The following ABCB4 variants were observed in gnomAD, a reference collection of about 807,000 sequenced individuals.
The protein encoded by ABCB4 is phosphatidylcholine translocator ABCB4.
A neutral mutation model predicts 145.7 loss-of-function variants in ABCB4; 76 were observed. That is an observed-to-expected ratio of 0.52 (90% CI 0.43 to 0.63). The LOEUF is 0.63. ABCB4 is among the 30% of genes least tolerant of loss of function. The pLI is 0.00. For missense variants in ABCB4, 1,234 were observed against 1,553.1 expected (o/e 0.79, Z 3.45); for synonymous variants, 517 against 566.8 (o/e 0.91, Z 1.25).
intron 3 of ABCB4, among the ~76,000 whole-genome samples, chr7:87,463,879 T>C (rs558431691): frequency 6.6e-6 from 1 of 152,352 alleles, no homozygotes; most frequent in South Asian, 2.1e-4. Context: ...TTATTAGTCC[T>C]CTTCCATTTC....
At chr7:87,420,810 A>T (rs765117108) in intron 18 of ABCB4, among the ~76,000 whole-genome samples, 1 of 152,166 alleles carries the variant, frequency 6.6e-6, no homozygotes, top group South Asian at 2.1e-4. Context: ...AACCATTCTA[A>T]ATAGGTTTAT....
At chr7:87,393,428 CAATATT>C in the ABCB4 span, among the ~76,000 whole-genome samples, 2 of 152,028 alleles carry the variant, frequency 1.3e-5, no homozygotes, top group African/African-American at 4.8e-5. Flanking sequence ...TAGTCATAGA[CAATATT>C]AATGAGATAG....
intron 3 of ABCB4, 40 bp downstream of exon 3, chr7:87,472,581 A>C: frequency 1.3e-6 from 2 of 1,514,012 alleles, no homozygotes; most frequent in Non-Finnish European, 1.8e-6. Flanking sequence ...AAATTTGAAT[A>C]AAAGGTAGGA....
rs757088677 is a variant in ABCB4 at position 87,440,279 on chromosome 7, G to A, written c.1480C>T (p.Arg494Cys). Residue 494 changes from arginine to cysteine, a missense_variant, in exon 13 of 28, where the codon CGT becomes TGT. Around this residue, in one of 7 missense-constraint regions of ABCB4, gnomAD observed 467 missense variants for 632.8 expected, o/e 0.74. Coordinates refer to ENST00000649586, the MANE Select transcript of ABCB4 (RefSeq NM_000443.4). ...TTIAENICYGRGNVTMDEIKK... is the reference protein window; with the variant it reads ...TTIAENICYGCGNVTMDEIKK... ...ATCTCATCCATGGTTACATTTCCAC[G>A]GCCATAACAAATATTTTCAGCAATT... The A allele has an allele frequency of 1.7e-5, 28 of 1,613,908 alleles. No individual in the cohort carries two copies. In the East Asian group the frequency reaches 1.8e-4, roughly 10 times the overall value.
chr7:87,382,304 T>C, the ABCB4 span: 1 of 1,437,534 alleles, frequency 7.0e-7, no homozygotes, highest in Non-Finnish European at 9.6e-7. Flanking sequence ...TTTAACACCT[T>C]TAATTCTTTA....
chr7:87,387,808 T>TG, the ABCB4 span, among the ~76,000 whole-genome samples: 1 of 152,054 alleles, frequency 6.6e-6, no homozygotes, highest in Non-Finnish European at 1.5e-5. Context: ...AAAAATTAGC[T>TG]GGGTATTGTG....
chr7:87,438,623 C>G (rs1037110561), intron 14 of ABCB4, among the ~76,000 whole-genome samples: 6 of 152,088 alleles, frequency 3.9e-5, no homozygotes, highest in African/African-American at 1.4e-4. Context: ...GTGGCGCACA[C>G]CTGCAGTCCC....
At chr7:87,473,480 C>T (rs561887677) in intron 2 of ABCB4, among the ~76,000 whole-genome samples, 2 of 152,226 alleles carry the variant, frequency 1.3e-5, no homozygotes, top group Admixed American at 6.5e-5. Flanking sequence ...CTTAGATACC[C>T]ACACAGCTGT....
the ABCB4 span, among the ~76,000 whole-genome samples, chr7:87,387,636 G>T: frequency 3.9e-5 from 6 of 152,020 alleles, no homozygotes; most frequent in African/African-American, 1.4e-4. Flanking sequence ...GTAAACTAGA[G>T]AAAGGAAATT....
the ABCB4 span, among the ~76,000 whole-genome samples, chr7:87,374,165 G>C: frequency 6.6e-6 from 1 of 151,998 alleles, no homozygotes; most frequent in African/African-American, 2.4e-5. Context: ...TTTGTGCTTT[G>C]AAATATAAAA....
chr7:87,420,669 A>C (rs1473169895), intron 18 of ABCB4, among the ~76,000 whole-genome samples: 1 of 152,190 alleles, frequency 6.6e-6, no homozygotes, highest in Non-Finnish European at 1.5e-5. Flanking sequence ...TATGTTAACT[A>C]TTTAAATAAC....
chr7:87,422,158 A>C lies in ABCB4; in HGVS notation c.2279T>G (p.Phe760Cys), dbSNP rs1025347618. Residue 760 changes from phenylalanine to cysteine, a missense_variant, in exon 18 of 28, where the codon TTT (phenylalanine) becomes TGT (cysteine). Coordinates refer to ENST00000649586, the MANE Select transcript of ABCB4 (RefSeq NM_000443.4). The stretch of plus-strand genomic sequence containing the variant: ...AGTAAAAAAAGAAATAATTCCCAGA[A>C]ATAAGAAAATCAAAGAGAATATGTT... Reference protein sequence around the residue: ...KCNIFSLIFLFLGIISFFTFF... With the variant: ...KCNIFSLIFLCLGIISFFTFF... 1 of 1,613,260 alleles carries C rather than the reference A, an allele frequency of 6.2e-7. No individual in the cohort carries two copies. The highest frequency in any genetic ancestry group is 8.5e-7 in the Non-Finnish European group (1 of 1,179,544).
chr7:87,413,817 G>A (rs1360703089), intron 21 of ABCB4, 100 bp from the exon 22 acceptor site: 25 of 820,326 alleles, frequency 3.0e-5, no homozygotes, highest in South Asian at 1.2e-4. Context: ...TGAAGGTTAC[G>A]TTGATAGGCT....
chr7:87,383,926 T>C, the ABCB4 span, among the ~76,000 whole-genome samples: 9 of 152,282 alleles, frequency 5.9e-5, 1 homozygote, highest in African/African-American at 1.9e-4. Flanking sequence ...TTCTCTTGGA[T>C]ATATACCTAG....
In ABCB4 at chr7:87,440,931, G is replaced by A. The variant is rs546651835; in HGVS notation, c.1357-529C>T. 1.1e-4 allele frequency among the ~76,000 whole-genome samples: 17 copies of A among 152,086 alleles called. No individual in the cohort carries two copies. In the South Asian group the frequency reaches 2.1e-3, roughly 19 times the overall value. On this transcript the variant is annotated intron_variant, in intron 12 of 27. Coordinates refer to ENST00000649586, the MANE Select transcript of ABCB4 (RefSeq NM_000443.4). ...AATTTTCTGTATTTTTAGTAGAGACGGTGTTTCACCATGTTAGCCAGGATG... is the reference window on the plus strand; with the variant it reads ...AATTTTCTGTATTTTTAGTAGAGACAGTGTTTCACCATGTTAGCCAGGATG...
At chr7:87,451,507 T>C (rs1811728854) in intron 7 of ABCB4, 116 bp downstream of exon 7, 2 of 1,052,210 alleles carry the variant, frequency 1.9e-6, no homozygotes, top group Non-Finnish European at 2.9e-6. Flanking sequence ...TTACTGGATG[T>C]AGTTTCAACT....
intron 3 of ABCB4, among the ~76,000 whole-genome samples, chr7:87,468,769 A>G (rs1464379563): frequency 1.3e-5 from 2 of 151,744 alleles, no homozygotes; most frequent in Non-Finnish European, 2.9e-5. Context: ...TGTCTCTACT[A>G]AAAATACAAA....
intron 3 of ABCB4, among the ~76,000 whole-genome samples, chr7:87,468,073 T>TA (rs1262029914): frequency 6.6e-6 from 1 of 151,960 alleles, no homozygotes; most frequent in Non-Finnish European, 1.5e-5. Context: ...GATAGAGACA[T>TA]AAAAAACCCT....
At chr7:87,469,659 A>G (rs961923602) in intron 3 of ABCB4, among the ~76,000 whole-genome samples, 3 of 152,192 alleles carry the variant, frequency 2.0e-5, no homozygotes, top group Non-Finnish European at 4.4e-5. Context: ...TCCAACTTAC[A>G]AGGGATGTGA....
Sources: allele counts gnomAD v4.1 joint callset (sites outside exome capture counted in the v4.1 genomes callset), GRCh38; gene constraint gnomAD v4.1.1; regional missense constraint gnomAD v4.1.1; transcripts MANE v1.5; gene names NCBI Gene and HGNC (gene_info 2026-07-23, HGNC 2026-07-21).